IL10RB: variants seen among roughly 807,000 people sequenced by gnomAD.
IL10RB encodes the protein interleukin 10 receptor subunit beta.
In IL10RB, 30 loss-of-function variants were observed where a neutral mutation model predicts 38.7. The observed-to-expected ratio is 0.78, with a 90% CI of 0.58 to 1.05. The LOEUF is 1.05. Among genes scored for constraint, IL10RB ranks in the 50% least tolerant of loss-of-function variants. IL10RB has a pLI of 0.00. For synonymous variants in IL10RB, 142 were observed against 145.9 expected (o/e 0.97, Z 0.19); for missense variants, 328 against 397.1 (o/e 0.83, Z 1.48).
intron 5 of IL10RB, among the ~76,000 whole-genome samples, chr21:33,287,161 CTA>C: frequency 6.6e-6 from 1 of 152,304 alleles, no homozygotes; most frequent in East Asian, 1.9e-4. Context: ...GGATTCACCA[CTA>C]TAAGCCCTTT....
intron 1 of IL10RB, among the ~76,000 whole-genome samples, chr21:33,306,893 A>C (rs1354641600): frequency 6.6e-6 from 1 of 152,164 alleles, no homozygotes; most frequent in Non-Finnish European, 1.5e-5. Flanking sequence ...AAAAATTATT[A>C]AAATCGGGTA....
chr21:33,277,668 C>CTT (rs1216043179), intron 3 of IL10RB, among the ~76,000 whole-genome samples: 1,620 of 92,944 alleles, frequency 0.017, 85 homozygotes, highest in African/African-American at 0.047. Flanking sequence ...TTCTTTCTTT[C>CTT]TTTTTTTTTT....
chr21:33,303,727 G>A (rs562047867), intron 1 of IL10RB, among the ~76,000 whole-genome samples: 5 of 152,326 alleles, frequency 3.3e-5, no homozygotes, highest in East Asian at 3.9e-4. Context: ...TGACACCCAT[G>A]AGAGAAGGCC....
At chr21:33,304,433 G>A (rs965181278) in intron 1 of IL10RB, among the ~76,000 whole-genome samples, 1 of 152,190 alleles carries the variant, frequency 6.6e-6, no homozygotes, top group African/African-American at 2.4e-5. Flanking sequence ...TCAGCAGGAT[G>A]GCTGGATTAC....
At chr21:33,286,126 C>T (rs1418499008) in intron 5 of IL10RB, among the ~76,000 whole-genome samples, 1 of 152,100 alleles carries the variant, frequency 6.6e-6, no homozygotes, top group Non-Finnish European at 1.5e-5. Flanking sequence ...TCAGGTCCTT[C>T]CAGCCGCTTC....
chr21:33,296,754 C>T lies in IL10RB; in HGVS notation c.*397C>T, dbSNP rs922388447. ...CTTGAGGTCAGGAGTTCAAGACCAG[C>T]CTGGCCAATATGGTGAAACCCAGTC... On this transcript the variant is annotated 3_prime_UTR_variant, in exon 7 of 7. Transcript: ENST00000290200. 5.5e-6 allele frequency: 2 copies of T among 362,252 alleles called. No homozygotes were observed. Among genetic ancestry groups the T allele is most frequent in the African/African-American group, 2.1e-5 (1 of 46,818 alleles). 22.4% of individuals were successfully genotyped at this position (362,252 alleles called of 1,614,324 possible).
intron 2 of IL10RB, among the ~76,000 whole-genome samples, chr21:33,275,398 C>T (rs1014528138): frequency 3.3e-5 from 5 of 152,042 alleles, no homozygotes; most frequent in African/African-American, 9.7e-5. Flanking sequence ...CCTGATGATC[C>T]GCCCACCTCA....
intron 2 of IL10RB, among the ~76,000 whole-genome samples, chr21:33,274,827 G>A (rs1242912214): frequency 1.3e-5 from 2 of 152,096 alleles, no homozygotes; most frequent in Non-Finnish European, 2.9e-5. Context: ...ATCCAGTGTT[G>A]GCTTCAACTT....
Position 33,295,173 on chromosome 21 carries a change from A to G in IL10RB, c.805-1011A>G, listed in dbSNP as rs28385667. On this transcript the variant is annotated intron_variant, in intron 6 of 6. Transcript: ENST00000290200. The stretch of plus-strand genomic sequence containing the variant: ...GAGGTCAGGAGATCGAGACCATCCT[A>G]GCTAACGCTGTGAAACCCTGTCTCT... Among the ~76,000 whole-genome samples the G allele has an allele frequency of 7.0e-3, 1,063 of 151,950 alleles. 11 individuals are homozygous for G. Among genetic ancestry groups the G allele is most frequent in the Non-Finnish European group, 6.8e-3 (462 of 67,932 alleles).
At chr21:33,289,487 A>G (rs8178533) in intron 6 of IL10RB, among the ~76,000 whole-genome samples, 1,614 of 152,226 alleles carry the variant, frequency 0.011, 32 homozygotes, top group African/African-American at 0.037. Context: ...CCTGTGCTGT[A>G]GGGGCTGCTG....
At chr21:33,273,237 T>C (rs1989112356) in intron 2 of IL10RB, among the ~76,000 whole-genome samples, 1 of 152,248 alleles carries the variant, frequency 6.6e-6, no homozygotes, top group Non-Finnish European at 1.5e-5. Flanking sequence ...GGTATTTGTA[T>C]ACAGGCATAT....
Position 33,288,130 on chromosome 21 carries a change from G to A in IL10RB, c.673G>A (p.Val225Ile), listed in dbSNP as rs765506701. The change falls in exon 6 of 7, where the codon GTC becomes ATC. Residue 225 changes from valine to isoleucine, a missense_variant. By Grantham distance (29) the Val-to-Ile change is conservative. Coordinates refer to ENST00000290200, the MANE Select transcript of IL10RB (RefSeq NM_000628.5). ...AACGGTCCCCTCCTGGATGGTGGCCGTCATCCTCATGGCCTCGGTCTTCAT... is the reference window on the plus strand; with the variant it reads ...AACGGTCCCCTCCTGGATGGTGGCCATCATCCTCATGGCCTCGGTCTTCAT... The part of the protein sequence containing the change: ...DETVPSWMVA[V>I]ILMASVFMVC... 7.4e-6 allele frequency: 12 copies of A among 1,613,918 alleles called. No individual in the cohort carries two copies. Among genetic ancestry groups the A allele is most frequent in the East Asian group, 4.5e-5 (2 of 44,882 alleles).
At chr21:33,282,377 CA>C (rs549749500) in intron 4 of IL10RB, among the ~76,000 whole-genome samples, 19 of 150,824 alleles carry the variant, frequency 1.3e-4, no homozygotes, top group African/African-American at 4.4e-4. Context: ...TACAAAAATA[CA>C]AAAAAAAATT....
intron 5 of IL10RB, among the ~76,000 whole-genome samples, chr21:33,286,961 G>T (rs1002791871): frequency 6.6e-6 from 1 of 152,132 alleles, no homozygotes; most frequent in African/African-American, 2.4e-5. Flanking sequence ...TAAGGGGATG[G>T]GTCAGTGCCG....
chr21:33,279,979 C>T, intron 4 of IL10RB, 61 bp downstream of exon 4: 2 of 1,476,822 alleles, frequency 1.4e-6, no homozygotes, highest in Non-Finnish European at 1.9e-6. Flanking sequence ...CAGAATCTTG[C>T]AAGGTGGCAG....
chr21:33,290,052 G>T (rs1989454768), intron 6 of IL10RB, among the ~76,000 whole-genome samples: 1 of 151,988 alleles, frequency 6.6e-6, no homozygotes, highest in African/African-American at 2.4e-5. Flanking sequence ...AGGCGGAGCT[G>T]GCAGTGAGCC....
At chr21:33,274,247 A>G (rs1364023700) in intron 2 of IL10RB, among the ~76,000 whole-genome samples, 1 of 152,160 alleles carries the variant, frequency 6.6e-6, no homozygotes, top group African/African-American at 2.4e-5. Context: ...GTGCAGTGGT[A>G]TGATCTCAGA....
Position 33,279,951 on chromosome 21 carries a change from A to G in IL10RB, c.498+33A>G, listed in dbSNP as rs1210574668. ...TGGCTAATTGCATTTCAGAGGTAGT[A>G]GGCTTTCATATTCTTTGCAGAATCT... On this transcript the variant is annotated intron_variant, in intron 4 of 6. Transcript: ENST00000290200. 7 of 1,594,622 alleles carry G rather than the reference A, an allele frequency of 4.4e-6. No individual in the cohort carries two copies. In the Admixed American group the frequency reaches 1.2e-4, roughly 27 times the overall value.
chr21:33,270,661 A>ACCGCG (rs1279440077), intron 2 of IL10RB, among the ~76,000 whole-genome samples: 1 of 144,778 alleles, frequency 6.9e-6, no homozygotes, highest in Non-Finnish European at 1.5e-5. Context: ...GGCGTGAGCC[A>ACCGCG]CCGCGCCCAG....
Sources: allele counts gnomAD v4.1 joint callset (sites outside exome capture counted in the v4.1 genomes callset), GRCh38; gene constraint gnomAD v4.1.1; transcripts MANE v1.5; gene names NCBI Gene and HGNC (gene_info 2026-07-23, HGNC 2026-07-21).